PTPRD: variants seen among roughly 807,000 people sequenced by gnomAD.
PTPRD encodes the protein protein tyrosine phosphatase receptor type D.
PTPRD carries 34 observed loss-of-function variants against 214.5 expected under a neutral mutation model. The ratio of observed to expected loss-of-function variants is 0.16; its 90% CI spans 0.12 to 0.21. PTPRD has a LOEUF of 0.21. Among genes scored for constraint, PTPRD ranks in the 10% least tolerant of loss-of-function variants. PTPRD has a pLI of 1.00. For synonymous variants in PTPRD, 1,128 were observed against 845.7 expected (o/e 1.33, Z -5.79); for missense variants, 2,545 against 2,398.7 (o/e 1.06, Z -1.27).
intron 39 of PTPRD, among the ~76,000 whole-genome samples, chr9:8,345,946 T>C (rs1011491680): frequency 2.0e-5 from 3 of 152,106 alleles, no homozygotes; most frequent in African/African-American, 4.8e-5. Flanking sequence ...GTTCTGTCCT[T>C]CTTTCTCTCA....
intron 5 of PTPRD, among the ~76,000 whole-genome samples, chr9:9,861,524 T>C (rs2062773394): frequency 6.6e-6 from 1 of 152,172 alleles, no homozygotes; most frequent in African/African-American, 2.4e-5. Flanking sequence ...TCTCATGACC[T>C]CGTGATCCGC....
At chr9:10,518,026 A>G (rs2050724465) in intron 2 of PTPRD, among the ~76,000 whole-genome samples, 1 of 152,194 alleles carries the variant, frequency 6.6e-6, no homozygotes, top group Non-Finnish European at 1.5e-5. Context: ...TATAAATTCT[A>G]TAACCACTTA....
intron 5 of PTPRD, among the ~76,000 whole-genome samples, chr9:9,834,591 A>G (rs1346099488): frequency 6.6e-6 from 1 of 152,068 alleles, no homozygotes; most frequent in Non-Finnish European, 1.5e-5. Flanking sequence ...CTGGTCCATC[A>G]GTTTCTGAAA....
At chr9:9,223,339 C>T (rs993308364) in intron 9 of PTPRD, among the ~76,000 whole-genome samples, 1 of 151,868 alleles carries the variant, frequency 6.6e-6, no homozygotes, top group Non-Finnish European at 1.5e-5. Flanking sequence ...TGCCTTATTG[C>T]TGTTATAAAA....
chr9:9,154,079 G>C (rs999333312), intron 10 of PTPRD, among the ~76,000 whole-genome samples: 1 of 152,076 alleles, frequency 6.6e-6, no homozygotes, highest in Admixed American at 6.6e-5. Context: ...TGCTTGATTT[G>C]TCTGCTTGCA....
intron 8 of PTPRD, among the ~76,000 whole-genome samples, chr9:9,561,303 G>A (rs1477231539): frequency 6.6e-6 from 1 of 152,230 alleles, no homozygotes; most frequent in East Asian, 1.9e-4. Flanking sequence ...TGCATGTATT[G>A]ATTGATGTCT....
At position 8,324,179 on chromosome 9, in the gene PTPRD, C is replaced by G. The variant is rs1343873883; in HGVS notation, c.5535-4213G>C. On this transcript the variant is annotated intron_variant, in intron 44 of 45. Transcript: ENST00000381196. ...GGTTTGTTACATAGGTATAAATGCA[C>G]CAGGGTGGTTTACTGCACCCATCAA... Among the ~76,000 whole-genome samples, 5 of 151,448 alleles carry G rather than the reference C, an allele frequency of 3.3e-5. No homozygotes were observed. The East Asian group carries it at 7.8e-4, about 24-fold the overall frequency.
intron 39 of PTPRD, among the ~76,000 whole-genome samples, chr9:8,346,236 A>C (rs1406740744): frequency 6.6e-6 from 1 of 152,076 alleles, no homozygotes; most frequent in Non-Finnish European, 1.5e-5. Flanking sequence ...ACTCCCCATC[A>C]GTGGTGTGCT....
chr9:9,406,355 T>C (rs1014376422), intron 8 of PTPRD, among the ~76,000 whole-genome samples: 1 of 151,940 alleles, frequency 6.6e-6, no homozygotes, highest in African/African-American at 2.4e-5. Context: ...TAAGCTGAAG[T>C]TCTATTCCAT....
At chr9:8,617,127 A>T (rs1318871718) in intron 14 of PTPRD, among the ~76,000 whole-genome samples, 1 of 152,126 alleles carries the variant, frequency 6.6e-6, no homozygotes, top group Admixed American at 6.6e-5. Flanking sequence ...CATTTGATAT[A>T]AACCAAAATA....
chr9:8,700,512 T>G (rs1280780646), intron 12 of PTPRD: 1 of 152,252 alleles, frequency 6.6e-6, no homozygotes, highest in Non-Finnish European at 1.5e-5. Flanking sequence ...TATTATGATG[T>G]GCTTTTATTA....
At chr9:8,578,836 C>T (rs983820454) in intron 14 of PTPRD, among the ~76,000 whole-genome samples, 36 of 152,244 alleles carry the variant, frequency 2.4e-4, no homozygotes, top group Middle Eastern at 3.4e-3. Flanking sequence ...TTAAAAAGTA[C>T]AGGAGTTAAA....
intron 39 of PTPRD, among the ~76,000 whole-genome samples, chr9:8,357,464 G>C (rs897630469): frequency 6.6e-6 from 1 of 152,152 alleles, no homozygotes; most frequent in African/African-American, 2.4e-5. Flanking sequence ...AACCCCTGAA[G>C]AGGGATAAAC....
At chr9:9,672,273 A>G (rs999470537) in intron 7 of PTPRD, among the ~76,000 whole-genome samples, 2 of 152,210 alleles carry the variant, frequency 1.3e-5, no homozygotes, top group African/African-American at 4.8e-5. Flanking sequence ...ACTATTTTTA[A>G]TAAATTGGAA....
intron 9 of PTPRD, among the ~76,000 whole-genome samples, chr9:9,235,425 G>A (rs77979435): frequency 6.6e-6 from 1 of 152,112 alleles, no homozygotes; most frequent in Admixed American, 6.6e-5. Context: ...ACTCCTACAT[G>A]GCTGTCCACT....
intron 2 of PTPRD, among the ~76,000 whole-genome samples, chr9:10,599,239 T>A (rs890131994): frequency 6.6e-6 from 1 of 151,688 alleles, no homozygotes; most frequent in Non-Finnish European, 1.5e-5. Context: ...AACCATGTCA[T>A]CCCATCAGCC....
At chr9:9,588,584 C>T (rs997836907) in intron 7 of PTPRD, among the ~76,000 whole-genome samples, 1 of 151,830 alleles carries the variant, frequency 6.6e-6, no homozygotes, top group Non-Finnish European at 1.5e-5. Flanking sequence ...ATAGAAAACC[C>T]AGGAATATAT....
intron 11 of PTPRD, among the ~76,000 whole-genome samples, chr9:8,859,376 C>A (rs979728724): frequency 2.6e-5 from 4 of 152,192 alleles, no homozygotes; most frequent in African/African-American, 9.7e-5. Flanking sequence ...TTTTAACCTT[C>A]TTCACTACTC....
chr9:10,352,437 A>C (rs192918996), intron 2 of PTPRD, among the ~76,000 whole-genome samples: 15 of 152,114 alleles, frequency 9.9e-5, no homozygotes, highest in East Asian at 3.9e-4. Context: ...TGTTTGACTA[A>C]GGCTGAATTA....
Sources: allele counts gnomAD v4.1 joint callset (sites outside exome capture counted in the v4.1 genomes callset), GRCh38; gene constraint gnomAD v4.1.1; transcripts MANE v1.5; gene names NCBI Gene and HGNC (gene_info 2026-07-23, HGNC 2026-07-21).